Variants in FER observed in about 807,000 individuals in gnomAD.
The protein encoded by FER is FER tyrosine kinase.
FER carries 63 observed loss-of-function variants against 111.0 expected under a neutral mutation model. The ratio of observed to expected loss-of-function variants is 0.57; its 90% CI spans 0.46 to 0.70. FER has a LOEUF of 0.70. Ranked by LOEUF, FER falls within the 30% of genes least tolerant of loss-of-function variation. The pLI is 0.00. For synonymous variants in FER, 327 were observed against 313.9 expected (o/e 1.04, Z -0.44); for missense variants, 914 against 954.0 (o/e 0.96, Z 0.55).
chr5:108,776,601 A>C (rs1753523648), intron 2 of FER, among the ~76,000 whole-genome samples: 1 of 152,192 alleles, frequency 6.6e-6, no homozygotes, highest in Admixed American at 6.5e-5. Context: ...TTCCAAGGAA[A>C]CTAGTTATCT....
chr5:109,117,848 A>G (rs992592241), intron 17 of FER, among the ~76,000 whole-genome samples: 11 of 152,000 alleles, frequency 7.2e-5, no homozygotes, highest in African/African-American at 2.7e-4. Flanking sequence ...TGATTTTTGC[A>G]CATTGATTTT....
At chr5:109,055,277 CA>C (rs1773470990) in intron 16 of FER, among the ~76,000 whole-genome samples, 1 of 151,992 alleles carries the variant, frequency 6.6e-6, no homozygotes, top group Admixed American at 6.6e-5. Flanking sequence ...GATATTACAG[CA>C]AAAACTCAGG....
rs959198514 is a variant in FER at position 109,190,182 on chromosome 5, T to C, written c.*2607T>C. Reference sequence around the variant, plus strand: ...TTATATACTTTAGGAGGCTAATCCATGCCCAGGAAGCACGAACATACTGTT... The same window carrying C: ...TTATATACTTTAGGAGGCTAATCCACGCCCAGGAAGCACGAACATACTGTT... On this transcript the variant is annotated 3_prime_UTR_variant, in exon 20 of 20. Transcript: ENST00000281092. The C allele has an allele frequency of 1.3e-5, 2 of 152,130 alleles. No individual in the cohort carries two copies. Among genetic ancestry groups the C allele is most frequent in the East Asian group, 1.9e-4 (1 of 5,192 alleles). 9.4% of individuals were successfully genotyped at this position (152,130 alleles called of 1,614,324 possible).
At chr5:109,171,962 A>G (rs912727325) in intron 17 of FER, among the ~76,000 whole-genome samples, 10 of 152,326 alleles carry the variant, frequency 6.6e-5, no homozygotes, top group East Asian at 1.9e-4. Flanking sequence ...TAGAATGGCA[A>G]TCATTAAAAA....
intron 17 of FER, among the ~76,000 whole-genome samples, chr5:109,180,393 T>A (rs1030810795): frequency 7.2e-5 from 11 of 152,228 alleles, no homozygotes; most frequent in Non-Finnish European, 7.3e-5. Flanking sequence ...ATGTGGCAGA[T>A]GGCTACTTTA....
chr5:109,117,364 A>T (rs1338426702), intron 17 of FER, among the ~76,000 whole-genome samples: 1 of 151,654 alleles, frequency 6.6e-6, no homozygotes, highest in Non-Finnish European at 1.5e-5. Context: ...CCACTATTTC[A>T]TGTGAAACAG....
Position 109,145,035 on chromosome 5 carries a change from GT to G in FER, c.2049-35701del, listed in dbSNP as rs375509776. Among the ~76,000 whole-genome samples, 1,332 of 142,528 alleles carry G rather than the reference GT, an allele frequency of 9.3e-3. 13 individuals are homozygous for G. Among genetic ancestry groups the G allele is most frequent in the African/African-American group, 0.023 (889 of 39,232 alleles). 93.5% of individuals were successfully genotyped at this position (142,528 alleles called of 152,430 possible). ...CCAGGATTGTTTCATTTCTTTAGTT[GT>G]TTTTTTTTTTATGAAAATGTAGTTA... On this transcript the variant is annotated intron_variant, in intron 17 of 19. Coordinates refer to ENST00000281092, the MANE Select transcript of FER (RefSeq NM_005246.4).
At chr5:108,791,677 T>C (rs1057370075) in intron 2 of FER, among the ~76,000 whole-genome samples, 1 of 151,960 alleles carries the variant, frequency 6.6e-6, no homozygotes, top group African/African-American at 2.4e-5. Flanking sequence ...ATGGAAGTTT[T>C]AAATTTTGAT....
chr5:109,169,556 G>A (rs895854183), intron 17 of FER, among the ~76,000 whole-genome samples: 2 of 152,122 alleles, frequency 1.3e-5, no homozygotes, highest in African/African-American at 4.8e-5. Flanking sequence ...GAATGTAAAT[G>A]GGAGGCAAGG....
intron 5 of FER, among the ~76,000 whole-genome samples, chr5:108,853,335 C>T (rs1165309152): frequency 6.6e-6 from 1 of 152,090 alleles, no homozygotes; most frequent in Non-Finnish European, 1.5e-5. Context: ...ACAATACATA[C>T]AAAAATCCCA....
intron 10 of FER, among the ~76,000 whole-genome samples, chr5:108,938,018 TCTCTCTCTCACACA>T (rs1312047976): frequency 1.9e-4 from 22 of 115,284 alleles, no homozygotes; most frequent in African/African-American, 7.4e-4. Context: ...TTTTTCCCTA[TCTCTCTCTCACACA>T]CACACACACA....
At chr5:109,054,760 A>C (rs1409462436) in intron 16 of FER, among the ~76,000 whole-genome samples, 6 of 152,192 alleles carry the variant, frequency 3.9e-5, no homozygotes, top group Non-Finnish European at 8.8e-5. Flanking sequence ...TAATTTTTGT[A>C]TATAGTGTGG....
chr5:109,082,983 A>C (rs1273122468), intron 16 of FER, among the ~76,000 whole-genome samples: 1 of 152,058 alleles, frequency 6.6e-6, no homozygotes, highest in Non-Finnish European at 1.5e-5. Context: ...AAAAAAGAAA[A>C]AAAGGCAGAG....
chr5:109,034,708 A>G (rs998864221), intron 13 of FER, among the ~76,000 whole-genome samples: 175 of 151,984 alleles, frequency 1.2e-3, no homozygotes, highest in African/African-American at 3.6e-3. Context: ...TCTACATTTC[A>G]ACCTATTTTT....
chr5:108,879,701 AATAT>A (rs1554084618), intron 8 of FER, among the ~76,000 whole-genome samples: 3 of 99,126 alleles, frequency 3.0e-5, no homozygotes, highest in African/African-American at 4.8e-5. Context: ...ATTAAAAAAA[AATAT>A]ATATATATAT....
chr5:108,865,559 G>A (rs1763956539), intron 5 of FER, among the ~76,000 whole-genome samples: 4 of 152,142 alleles, frequency 2.6e-5, no homozygotes. Flanking sequence ...AAAAGCAATG[G>A]CAACAAAAGC....
At position 109,010,115 on chromosome 5, in the gene FER, T is replaced by C. The variant is rs151201170; in HGVS notation, c.1657-27307T>C. On this transcript the variant is annotated intron_variant, in intron 13 of 19. Transcript: ENST00000281092. ...GGAAAGGTGTGGATATTAAACAGTC[T>C]ACTATATTTCTTATTTTGTGACTCT... Among the ~76,000 whole-genome samples the C allele has an allele frequency of 1.6e-3, 246 of 152,298 alleles. 1 individual carries two copies. Among genetic ancestry groups the C allele is most frequent in the Non-Finnish European group, 2.7e-3 (183 of 68,026 alleles).
chr5:109,029,155 G>A (rs973515168), intron 13 of FER, among the ~76,000 whole-genome samples: 1 of 150,064 alleles, frequency 6.7e-6, no homozygotes, highest in Non-Finnish European at 1.5e-5. Flanking sequence ...TCCTCACAGA[G>A]TTATTGTGAA....
At chr5:108,770,874 A>G (rs1752823569) in intron 2 of FER, among the ~76,000 whole-genome samples, 1 of 152,086 alleles carries the variant, frequency 6.6e-6, no homozygotes, top group South Asian at 2.1e-4. Context: ...CTTAAAATAA[A>G]TCTGTGTATT....
Sources: allele counts gnomAD v4.1 joint callset (sites outside exome capture counted in the v4.1 genomes callset), GRCh38; gene constraint gnomAD v4.1.1; transcripts MANE v1.5; gene names NCBI Gene and HGNC (gene_info 2026-07-23, HGNC 2026-07-21).